Variants in LMO4 observed in about 807,000 individuals in gnomAD.
The protein encoded by LMO4 is LIM domain transcription factor LMO4.
In LMO4, 3 loss-of-function variants were observed where a neutral mutation model predicts 18.5. That is an observed-to-expected ratio of 0.16 (90% confidence interval 0.07 to 0.42). The LOEUF is 0.42. Among genes scored for constraint, LMO4 ranks in the 10% least tolerant of loss-of-function variants. The pLI is 0.99. For synonymous variants in LMO4, 100 were observed against 88.1 expected (o/e 1.14, Z -0.76); for missense variants, 121 against 219.9 (o/e 0.55, Z 2.84).
rs1309507123 is a variant in LMO4, at chr1:87,348,141, A to G, written c.*3345A>G. 2.6e-5 allele frequency: 4 copies of G among 152,434 alleles called. No homozygotes were observed. Among genetic ancestry groups the G allele is most frequent in the Non-Finnish European group, 5.9e-5 (4 of 68,210 alleles). The allele number at this position is 152,434 out of a possible 1,614,324, so 9.4% of individuals were successfully genotyped here. A position where few individuals can be genotyped will look rare whatever the true frequency, so the allele number is the denominator to read the frequency against. ...ATAAAATATTTCTTAGGGCCCATAA[A>G]TCATATAATAAACAGTGAACCCAAG... On this transcript the variant is annotated 3_prime_UTR_variant, in exon 5 of 5. Coordinates refer to ENST00000370544, the MANE Select transcript of LMO4 (RefSeq NM_006769.4).
intron 1 of LMO4, among the ~76,000 whole-genome samples, chr1:87,330,003 T>C (rs1037785166): frequency 6.8e-6 from 1 of 146,784 alleles, no homozygotes; most frequent in Non-Finnish European, 1.5e-5. Flanking sequence ...TTAAAAGCTT[T>C]CTTTTTTTTT....
At chr1:87,338,068 T>C (rs1366309556) in intron 2 of LMO4, among the ~76,000 whole-genome samples, 1 of 152,228 alleles carries the variant, frequency 6.6e-6, no homozygotes, top group African/African-American at 2.4e-5. Flanking sequence ...TTAAAAGCCA[T>C]CTTAAGGGGC....
At chr1:87,333,770 G>A (rs949312720) in intron 2 of LMO4, among the ~76,000 whole-genome samples, 1 of 152,054 alleles carries the variant, frequency 6.6e-6, no homozygotes, top group African/African-American at 2.4e-5. Flanking sequence ...CAGGAACATG[G>A]GTGTAATGCT....
At chr1:87,344,720 T>C (rs893524279) in intron 4 of LMO4, 68 bp from the exon 5 acceptor site, 4 of 1,483,578 alleles carry the variant, frequency 2.7e-6, no homozygotes, top group Non-Finnish European at 3.8e-6. Context: ...ACAAAAGCAG[T>C]CATGTTTGAG....
chr1:87,344,937 A>G lies in LMO4; in HGVS notation c.*141A>G. The stretch of plus-strand genomic sequence containing the variant: ...TGCCATTGCACCTTCTTTAGTCTTG[A>G]TTGCCCTTCCCGCATTTATTGGTGT... On this transcript the variant is annotated 3_prime_UTR_variant, in exon 5 of 5. Coordinates refer to ENST00000370544, the MANE Select transcript of LMO4 (RefSeq NM_006769.4). 1 of 759,252 alleles carries G rather than the reference A, an allele frequency of 1.3e-6. No individual in the cohort carries two copies. The highest frequency in any genetic ancestry group is 2.3e-6 in the Non-Finnish European group (1 of 441,982). 47.0% of individuals were successfully genotyped at this position (759,252 alleles called of 1,614,324 possible).
chr1:87,336,199 AT>A (rs1415704249), intron 2 of LMO4, among the ~76,000 whole-genome samples: 1 of 152,208 alleles, frequency 6.6e-6, no homozygotes, highest in Non-Finnish European at 1.5e-5. Flanking sequence ...CAGAATTTAG[AT>A]TAAATATAGG....
In LMO4 at chr1:87,344,585, C is replaced by T. The variant is rs193057398; in HGVS notation, c.490-203C>T. ...TCCATTTACTGTCTCATTTTCTTTG[C>T]TAGTAAAACTGCAGAAAATGTTATG... On this transcript the variant is annotated intron_variant, in intron 4 of 4. Coordinates refer to ENST00000370544, the MANE Select transcript of LMO4 (RefSeq NM_006769.4). Among the ~76,000 whole-genome samples the T allele has an allele frequency of 2.6e-5, 4 of 152,274 alleles. No homozygotes were observed. In the East Asian group the frequency reaches 7.7e-4, roughly 29 times the overall value.
At chr1:87,334,021 TTC>T (rs2100775825) in intron 2 of LMO4, among the ~76,000 whole-genome samples, 1 of 152,264 alleles carries the variant, frequency 6.6e-6, no homozygotes, top group African/African-American at 2.4e-5. Flanking sequence ...TCCGCTTGTA[TTC>T]CCCCAGGACA....
At chr1:87,331,841 C>A in intron 1 of LMO4, 172 bp from the exon 2 acceptor site, 1 of 578,940 alleles carries the variant, frequency 1.7e-6, no homozygotes, top group Non-Finnish European at 3.0e-6. Context: ...TGCCGGCGAG[C>A]CTCCCTTCTT....
At chr1:87,331,719 T>A in intron 1 of LMO4, 1 of 414,056 alleles carries the variant, frequency 2.4e-6, no homozygotes, top group Non-Finnish European at 4.3e-6. Context: ...GAGCCTGCTC[T>A]CGGAGTTTTG....
chr1:87,340,013 C>T, intron 3 of LMO4, 34 bp from the exon 4 acceptor site: 3 of 1,602,148 alleles, frequency 1.9e-6, no homozygotes, highest in Non-Finnish European at 2.6e-6. Context: ...TTAATTTTTA[C>T]CTTGTTTTCA....
chr1:87,336,243 G>C (rs188875835), intron 2 of LMO4, among the ~76,000 whole-genome samples: 2 of 152,190 alleles, frequency 1.3e-5, no homozygotes, highest in Non-Finnish European at 2.9e-5. Flanking sequence ...TTCTGGATCA[G>C]TAGCTGTGGA....
chr1:87,336,119 C>A (rs1441473280), intron 2 of LMO4, among the ~76,000 whole-genome samples: 1 of 151,934 alleles, frequency 6.6e-6, no homozygotes, highest in African/African-American at 2.4e-5. Flanking sequence ...TTCCGAAGTA[C>A]CTTTAATGGA....
In LMO4 at chr1:87,348,502, T is replaced by G. The variant is rs1650696540; in HGVS notation, c.*3706T>G. 2.9e-6 allele frequency: 1 copy of G among 350,108 alleles called. No homozygotes were observed. Among genetic ancestry groups the G allele is most frequent in the South Asian group, 2.2e-5 (1 of 46,196 alleles). 21.7% of individuals were successfully genotyped at this position (350,108 alleles called of 1,614,324 possible). On this transcript the variant is annotated 3_prime_UTR_variant, in exon 5 of 5. Coordinates refer to ENST00000370544, the MANE Select transcript of LMO4 (RefSeq NM_006769.4). ...AGCAGCCATTTTAGATTGGCAGTGC[T>G]CTGAACGCATGTTAAACAGCCAGCT...
At chr1:87,336,864 C>G (rs1325279765) in intron 2 of LMO4, among the ~76,000 whole-genome samples, 1 of 152,082 alleles carries the variant, frequency 6.6e-6, no homozygotes, top group African/African-American at 2.4e-5. Context: ...AGTCTGAGAC[C>G]GATAGCTACT....
Position 87,344,897 on chromosome 1 carries a change from C to T in LMO4, c.*101C>T. 8.8e-7 allele frequency: 1 copy of T among 1,132,088 alleles called. No individual in the cohort carries two copies. The highest frequency in any genetic ancestry group is 1.3e-6 in the Non-Finnish European group (1 of 745,124). 70.1% of individuals were successfully genotyped at this position (1,132,088 alleles called of 1,614,324 possible). A position where few individuals can be genotyped will look rare whatever the true frequency, so the allele number is the denominator to read the frequency against. On this transcript the variant is annotated 3_prime_UTR_variant, in exon 5 of 5. Transcript: ENST00000370544. ...AGACAAGTCACCTTTGTAGCTAGCA[C>T]CAGTGCCAGCTCCATGCCATTGCAC...
At chr1:87,331,393 A>G (rs1650140617) in intron 1 of LMO4, 1 of 152,330 alleles carries the variant, frequency 6.6e-6, no homozygotes, top group African/African-American at 2.4e-5. Context: ...CCCTCCCATC[A>G]CCACGCTCTC....
chr1:87,331,760 G>T (rs932858600), intron 1 of LMO4: 15 of 505,242 alleles, frequency 3.0e-5, no homozygotes, highest in African/African-American at 2.7e-4. Context: ...GTCAGCGGCG[G>T]CAAGCGCAGG....
intron 4 of LMO4, among the ~76,000 whole-genome samples, chr1:87,343,884 G>T (rs2100569621): frequency 6.6e-6 from 1 of 152,182 alleles, no homozygotes; most frequent in South Asian, 2.1e-4. Flanking sequence ...TTCCTGGGAG[G>T]CTCAAAATGT....
Sources: gnomAD v4.1 joint callset for allele counts (sites outside exome capture counted in the v4.1 genomes callset) on GRCh38, gnomAD v4.1.1 for gene constraint, MANE v1.5 for transcripts, NCBI Gene and HGNC (gene_info 2026-07-23, HGNC 2026-07-21) for gene names.